Variants in PPP1R7 observed in about 807,000 individuals in gnomAD.
PPP1R7 encodes the protein protein phosphatase 1 regulatory subunit 22.
PPP1R7 carries 18 observed loss-of-function variants against 45.2 expected under a neutral mutation model. That is an observed-to-expected ratio of 0.40 (90% CI 0.28 to 0.59). The LOEUF is 0.59. PPP1R7 is among the 20% of genes least tolerant of loss of function. PPP1R7 has a pLI of 0.46. For synonymous variants in PPP1R7, 181 were observed against 183.4 expected, an observed-to-expected ratio of 0.99 and a Z score of 0.11; for missense variants, 314 against 455.8, an observed-to-expected ratio of 0.69 and a Z score of 2.83.
At chr2:241,176,765 C>G (rs2067915159) in intron 9 of PPP1R7, among the ~76,000 whole-genome samples, 1 of 152,160 alleles carries the variant, frequency 6.6e-6, no homozygotes, top group Non-Finnish European at 1.5e-5. Context: ...CTGGCCATAT[C>G]TCATTAACTT....
At chr2:241,167,566 G>A (rs1028010924) in intron 8 of PPP1R7, among the ~76,000 whole-genome samples, 1 of 152,206 alleles carries the variant, frequency 6.6e-6, no homozygotes, top group Admixed American at 6.5e-5. Context: ...TGGCCTCCCT[G>A]AGCCAAGGCC....
intron 8 of PPP1R7, among the ~76,000 whole-genome samples, 196 bp downstream of exon 8, chr2:241,166,637 T>TG (rs1426175470): frequency 6.6e-6 from 1 of 152,258 alleles, no homozygotes; most frequent in Non-Finnish European, 1.5e-5. Context: ...AGGAGCTGTG[T>TG]GTGCCTGTTG....
intron 1 of PPP1R7, among the ~76,000 whole-genome samples, chr2:241,152,374 ACT>A (rs2067343337): frequency 6.6e-6 from 1 of 152,172 alleles, no homozygotes; most frequent in African/African-American, 2.4e-5. Flanking sequence ...ATTAGATCAG[ACT>A]CTCTGGCAGG....
chr2:241,163,553 A>G (rs2067641694), intron 7 of PPP1R7, 152 bp downstream of exon 7: 8 of 611,922 alleles, frequency 1.3e-5, no homozygotes, highest in Non-Finnish European at 1.7e-5. Context: ...CATAGACTTT[A>G]TACACACATG....
intron 7 of PPP1R7, among the ~76,000 whole-genome samples, chr2:241,163,637 T>A (rs2067643890): frequency 6.6e-6 from 1 of 152,220 alleles, no homozygotes; most frequent in Non-Finnish European, 1.5e-5. Flanking sequence ...AGGGTCTTTA[T>A]CTGTCACTCA....
At position 241,182,875 on chromosome 2, in the gene PPP1R7, A is replaced by G; in HGVS notation, c.*52A>G. The G allele has an allele frequency of 6.3e-7, 1 of 1,575,140 alleles. No homozygotes were observed. ...CTCTCCTCGGAAGAACTGCCCAGCC[A>G]CGGGTTTTTAACCCACCTGTTGCTC... is the stretch of plus-strand genomic sequence containing the variant. On this transcript the variant is annotated 3_prime_UTR_variant, in exon 10 of 10. Coordinates refer to ENST00000234038, the MANE Select transcript of PPP1R7 (RefSeq NM_002712.3).
At position 241,155,641 on chromosome 2, in the gene PPP1R7, C is replaced by T. The variant is rs1224431104; in HGVS notation, c.181+2037C>T. On this transcript the variant is annotated intron_variant, in intron 2 of 9. Transcript: ENST00000234038. ...GTTAGCTGACATTTTGAGTGGTGAG[C>T]GGCCAGCCCTGCTGGCTGTATTACA... is the stretch of plus-strand genomic sequence containing the variant. 2.6e-5 allele frequency among the ~76,000 whole-genome samples: 4 copies of T among 152,328 alleles called. No individual in the cohort carries two copies. In the South Asian group the frequency reaches 6.2e-4, roughly 24 times the overall value.
chr2:241,149,597 T>C, upstream of PPP1R7: 9 of 1,504,794 alleles, frequency 6.0e-6, no homozygotes, highest in Non-Finnish European at 7.1e-6. Context: ...TAAGGGTTGC[T>C]AGGGACGCAC....
At chr2:241,162,001 C>T (rs1015799848) in intron 6 of PPP1R7, among the ~76,000 whole-genome samples, 10 of 152,336 alleles carry the variant, frequency 6.6e-5, no homozygotes, top group African/African-American at 9.6e-5. Flanking sequence ...CTCTGTCTGT[C>T]CTGGGCCCTT....
rs2068044989 is a variant in PPP1R7 at position 241,183,442 on chromosome 2, C to T, written c.*619C>T. On this transcript the variant is annotated 3_prime_UTR_variant, in exon 10 of 10. Coordinates refer to ENST00000234038, the MANE Select transcript of PPP1R7 (RefSeq NM_002712.3). ...TTCACGTGTGCCCGTCAGTTCTCGC[C>T]ACATCCCTTGCCTGTGGGTGAAAGC... The T allele has an allele frequency of 6.4e-6, 3 of 471,070 alleles. No homozygotes were observed. Among genetic ancestry groups the T allele is most frequent in the Admixed American group, 2.3e-5 (1 of 42,564 alleles). 29.2% of individuals were successfully genotyped at this position (471,070 alleles called of 1,614,324 possible).
intron 9 of PPP1R7, among the ~76,000 whole-genome samples, chr2:241,181,243 G>T (rs931754453): frequency 2.6e-5 from 4 of 152,070 alleles, no homozygotes; most frequent in Non-Finnish European, 5.9e-5. Flanking sequence ...CCTGTGAGAT[G>T]CACGTTATAT....
chr2:241,149,669 C>T (rs2067190451), upstream of PPP1R7: 1 of 1,545,994 alleles, frequency 6.5e-7, no homozygotes, highest in Non-Finnish European at 8.7e-7. Flanking sequence ...GCCCCCGGGC[C>T]GGGCAGATGC....
chr2:241,180,010 G>C (rs2067972468), intron 9 of PPP1R7, among the ~76,000 whole-genome samples: 1 of 152,200 alleles, frequency 6.6e-6, no homozygotes, highest in Non-Finnish European at 1.5e-5. Context: ...CGCCCATCTA[G>C]ACTAATAATG....
chr2:241,152,177 T>C (rs142415221), intron 1 of PPP1R7, among the ~76,000 whole-genome samples: 4 of 152,376 alleles, frequency 2.6e-5, no homozygotes, highest in African/African-American at 9.6e-5. Flanking sequence ...GTGCCTTTTC[T>C]AATTTAACCG....
intron 3 of PPP1R7, 28 bp downstream of exon 3, chr2:241,157,890 G>T: frequency 6.2e-7 from 1 of 1,605,744 alleles, no homozygotes. Flanking sequence ...GCCCAGCCTT[G>T]GGCGTGGTGA....
Position 241,183,605 on chromosome 2 carries a change from C to A in PPP1R7, c.*782C>A. 3.1e-6 allele frequency: 1 copy of A among 318,712 alleles called. No individual in the cohort carries two copies. The highest frequency in any genetic ancestry group is 6.4e-6 in the Non-Finnish European group (1 of 156,734). The allele number at this position is 318,712 out of a possible 1,614,324, so 19.7% of individuals were successfully genotyped here. On this transcript the variant is annotated 3_prime_UTR_variant, in exon 10 of 10. Transcript: ENST00000234038. Reference sequence around the variant, plus strand: ...TGGTATAGTGGCCTCCTGTTCTCACCCCATTGTTATTTTGGCTTTTTTAAT... The same window carrying A: ...TGGTATAGTGGCCTCCTGTTCTCACACCATTGTTATTTTGGCTTTTTTAAT...
At chr2:241,154,430 G>T (rs1382789536) in intron 2 of PPP1R7, among the ~76,000 whole-genome samples, 1 of 152,116 alleles carries the variant, frequency 6.6e-6, no homozygotes, top group Non-Finnish European at 1.5e-5. Flanking sequence ...GCTTACGCCT[G>T]TAATCCTAGC....
At chr2:241,173,100 C>T (rs1364364323) in intron 9 of PPP1R7, among the ~76,000 whole-genome samples, 3 of 151,718 alleles carry the variant, frequency 2.0e-5, no homozygotes, top group South Asian at 2.1e-4. Flanking sequence ...GGCGAAACCC[C>T]GTCTCAACTA....
At chr2:241,181,328 A>T (rs1156750784) in intron 9 of PPP1R7, among the ~76,000 whole-genome samples, 1 of 152,128 alleles carries the variant, frequency 6.6e-6, no homozygotes, top group Non-Finnish European at 1.5e-5. Flanking sequence ...CTGGTGCAAA[A>T]CTAGCCCTCC....
Sources: allele counts gnomAD v4.1 joint callset (sites outside exome capture counted in the v4.1 genomes callset), GRCh38; gene constraint gnomAD v4.1.1; transcripts MANE v1.5; gene names NCBI Gene and HGNC (gene_info 2026-07-23, HGNC 2026-07-21).